The following CENPA variants were observed in gnomAD, a reference collection of about 807,000 sequenced individuals.
The protein encoded by CENPA is centromere protein A.
Under a neutral mutation model 17.2 loss-of-function variants are expected in CENPA, and 7 were observed. That is an observed-to-expected ratio of 0.41 (90% CI 0.23 to 0.76). The LOEUF (loss-of-function observed/expected upper bound fraction) is 0.76. CENPA is among the 30% of genes least tolerant of loss of function. The probability of loss-of-function intolerance (pLI) is 0.34; values close to 1 mark genes in which losing one functional copy is unlikely to be tolerated. For missense variants in CENPA, 149 were observed against 193.1 expected, an observed-to-expected ratio of 0.77 and a Z score of 1.35; for synonymous variants, 82 against 77.4, an observed-to-expected ratio of 1.06 and a Z score of -0.31.
rs1009912223 is a variant in CENPA at position 26,793,092 on chromosome 2, A to G, written c.289-53A>G. Reference sequence around the variant, plus strand: ...TTAAGTTTAGCAGGTTTCCAAAAAAAAGCAGCCCGTGGCCCTTCATCTGTG... The same window carrying G: ...TTAAGTTTAGCAGGTTTCCAAAAAAGAGCAGCCCGTGGCCCTTCATCTGTG... On this transcript the variant is annotated intron_variant, in intron 3 of 4. Transcript: ENST00000335756. 25 of 1,602,572 alleles carry G rather than the reference A, an allele frequency of 1.6e-5. No homozygotes were observed. In the East Asian group the frequency reaches 4.5e-4, roughly 29 times the overall value.
intron 1 of CENPA, among the ~76,000 whole-genome samples, chr2:26,788,697 C>T (rs946111082): frequency 3.3e-5 from 5 of 152,118 alleles, no homozygotes; most frequent in Non-Finnish European, 5.9e-5. Flanking sequence ...GTTTTTGAGA[C>T]GGAGTTTCCC....
intron 1 of CENPA, among the ~76,000 whole-genome samples, chr2:26,791,473 A>G (rs1250586876): frequency 6.6e-6 from 1 of 152,182 alleles, no homozygotes; most frequent in East Asian, 1.9e-4. Flanking sequence ...TCTTGTTGGA[A>G]CCAGGATTTG....
In CENPA at chr2:26,792,637, G is replaced by A. The variant is rs1297367829; in HGVS notation, c.211-119G>A. 4.3e-6 allele frequency: 4 copies of A among 927,912 alleles called. No homozygotes were observed. The Admixed American group carries it at 7.9e-5, about 18-fold the overall frequency. The allele number at this position is 927,912 out of a possible 1,614,324, so 57.5% of individuals were successfully genotyped here. The stretch of plus-strand genomic sequence containing the variant: ...TCCTAATTGGGTCCTAAGATTAAGA[G>A]CCAGGAAAAAATAATGGAAAGGAAG... On this transcript the variant is annotated intron_variant, in intron 2 of 4. Transcript: ENST00000335756.
At chr2:26,789,753 C>A (rs1664582074) in intron 1 of CENPA, among the ~76,000 whole-genome samples, 1 of 152,184 alleles carries the variant, frequency 6.6e-6, no homozygotes, top group Non-Finnish European at 1.5e-5. Flanking sequence ...AATTCTACTT[C>A]CAAACTGCAT....
Position 26,792,743 on chromosome 2 carries a change from C to T in CENPA, c.211-13C>T, listed in dbSNP as rs767360890. ...CCCTACTCCTACTCCTCCCCTTCCC[C>T]ACTCCTTCACAGGCAAGAGAAATAT... On this transcript the variant is annotated splice_polypyrimidine_tract_variant and intron_variant, in intron 2 of 4. Transcript: ENST00000335756. 2 of 1,391,782 alleles carry T rather than the reference C, an allele frequency of 1.4e-6. No homozygotes were observed. The highest frequency in any genetic ancestry group is 2.0e-6 in the Non-Finnish European group (2 of 994,130). 86.2% of individuals were successfully genotyped at this position (1,391,782 alleles called of 1,614,324 possible).
intron 1 of CENPA, among the ~76,000 whole-genome samples, chr2:26,786,712 A>G (rs1664514278): frequency 6.6e-6 from 1 of 152,228 alleles, no homozygotes; most frequent in African/African-American, 2.4e-5. Context: ...GGGATTTCCA[A>G]TCCTCTGTGT....
At chr2:26,791,695 A>G (rs770534265) in intron 1 of CENPA, among the ~76,000 whole-genome samples, 8 of 152,202 alleles carry the variant, frequency 5.3e-5, no homozygotes, top group Non-Finnish European at 1.0e-4. Flanking sequence ...TAAAACCAAA[A>G]TAACTGAGCT....
intron 2 of CENPA, 42 bp from the exon 3 acceptor site, chr2:26,792,714 T>TA: frequency 1.3e-6 from 2 of 1,487,628 alleles, no homozygotes; most frequent in Non-Finnish European, 1.9e-6. Flanking sequence ...TCTCTTCTGT[T>TA]ACTCCCTACT....
intron 2 of CENPA, 27 bp from the exon 3 acceptor site, chr2:26,792,729 C>T: frequency 1.9e-6 from 3 of 1,589,456 alleles, no homozygotes; most frequent in Non-Finnish European, 2.6e-6. Context: ...CCTACTCCTA[C>T]TCCTCCCCTT....
chr2:26,792,809 C>T lies in CENPA; in HGVS notation c.264C>T (p.Ala88=), dbSNP rs1664645283. The stretch of plus-strand genomic sequence containing the variant: ...GTGGTGTGGACTTCAATTGGCAAGC[C>T]CAGGCCCTATTGGCCCTACAAGAGG... ...FTRGVDFNWQ[A]QALLALQEAA... is the part of the protein sequence containing the mutation. The change falls in exon 3 of 5, where the codon GCC becomes GCT. Residue 88 remains alanine (A), a synonymous_variant. Transcript: ENST00000335756. The T allele has an allele frequency of 6.2e-7, 1 of 1,614,168 alleles. No individual in the cohort carries two copies. The highest frequency in any genetic ancestry group is 8.5e-7 in the Non-Finnish European group (1 of 1,180,018).
chr2:26,793,059 C>G, intron 3 of CENPA, 86 bp from the exon 4 acceptor site: 1 of 1,548,028 alleles, frequency 6.5e-7, no homozygotes, highest in Non-Finnish European at 8.8e-7. Context: ...CCTTTGAGCC[C>G]TCAGAGATTA....
At position 26,792,993 on chromosome 2, in the gene CENPA, G is replaced by T. The variant is rs1664648592; in HGVS notation, c.289-152G>T. 2.4e-6 allele frequency: 3 copies of T among 1,248,746 alleles called. No homozygotes were observed. In the African/African-American group the frequency reaches 4.5e-5, roughly 19 times the overall value. The allele number at this position is 1,248,746 out of a possible 1,614,324, so 77.4% of individuals were successfully genotyped here. On this transcript the variant is annotated intron_variant, in intron 3 of 4. Transcript: ENST00000335756. ...GTTTGGAGGCTGGATTCTGCGTGGT[G>T]ATAGCAGAATTCCCTGGCAAAGTTC...
chr2:26,788,644 C>T (rs562385791), intron 1 of CENPA, among the ~76,000 whole-genome samples: 1 of 152,190 alleles, frequency 6.6e-6, no homozygotes, highest in East Asian at 1.9e-4. Context: ...GGCACATATG[C>T]TCTAGTATTT....
chr2:26,786,080 T>C lies in CENPA; in HGVS notation c.-117T>C, dbSNP rs1056957501. The stretch of plus-strand genomic sequence containing the variant: ...CGGACTTCTGCCAAGCACCGGCTCA[T>C]GTGAGGCTCGCGGCACAGCGTTCTC... On this transcript the variant is annotated 5_prime_UTR_variant, in exon 1 of 5. It removes an upstream start codon present in the reference 5' UTR. Transcript: ENST00000335756. The C allele has an allele frequency of 7.9e-7, 1 of 1,269,058 alleles. No individual in the cohort carries two copies. Among genetic ancestry groups the C allele is most frequent in the Non-Finnish European group, 1.0e-6 (1 of 1,003,952 alleles). 78.6% of individuals were successfully genotyped at this position (1,269,058 alleles called of 1,614,324 possible).
At chr2:26,789,148 C>A (rs1167873987) in intron 1 of CENPA, among the ~76,000 whole-genome samples, 1 of 152,072 alleles carries the variant, frequency 6.6e-6, no homozygotes, top group Non-Finnish European at 1.5e-5. Context: ...ACCCTACAAC[C>A]CACTCCAATC....
intron 1 of CENPA, among the ~76,000 whole-genome samples, chr2:26,788,565 T>G (rs1314772865): frequency 1.3e-5 from 2 of 152,194 alleles, no homozygotes; most frequent in African/African-American, 2.4e-5. Flanking sequence ...CTTGGTCATA[T>G]CCTTCTTTCA....
chr2:26,791,022 T>G (rs1278950252), intron 1 of CENPA, among the ~76,000 whole-genome samples: 1 of 152,288 alleles, frequency 6.6e-6, no homozygotes, highest in Non-Finnish European at 1.5e-5. Flanking sequence ...TTGTTCAACT[T>G]ATCAGATGTT....
intron 4 of CENPA, among the ~76,000 whole-genome samples, chr2:26,793,576 A>G (rs1262780268): frequency 6.6e-6 from 1 of 152,224 alleles, no homozygotes; most frequent in Non-Finnish European, 1.5e-5. Flanking sequence ...TTTTTATAAG[A>G]CAGGGTCTCT....
At chr2:26,791,173 T>G (rs1172990980) in intron 1 of CENPA, among the ~76,000 whole-genome samples, 2 of 152,252 alleles carry the variant, frequency 1.3e-5, no homozygotes, top group Non-Finnish European at 2.9e-5. Flanking sequence ...ATACTTAATT[T>G]GACTGCTTGG....
Sources: allele counts gnomAD v4.1 joint callset (sites outside exome capture counted in the v4.1 genomes callset), GRCh38; gene constraint gnomAD v4.1.1; transcripts MANE v1.5; gene names NCBI Gene and HGNC (gene_info 2026-07-23, HGNC 2026-07-21).